Variants in HAS1 observed in about 807,000 individuals in gnomAD.
HAS1 encodes hyaluronan synthase 1.
A neutral mutation model predicts 35.0 loss-of-function variants in HAS1; 27 were observed. The observed-to-expected ratio is 0.77, with a 90% CI of 0.57 to 1.06. HAS1 has a LOEUF of 1.06. HAS1 is among the 50% of genes least tolerant of loss of function. The probability of loss-of-function intolerance (pLI) is 0.00; values close to 1 mark genes in which losing one functional copy is unlikely to be tolerated. For missense variants in HAS1, 940 were observed against 814.8 expected (o/e 1.15, Z -1.87); for synonymous variants, 409 against 371.2 (o/e 1.10, Z -1.17).
chr19:51,723,301 G>A (rs1315098569), intron 1 of HAS1, among the ~76,000 whole-genome samples: 1 of 152,106 alleles, frequency 6.6e-6, no homozygotes. Context: ...GCAGGAAAAA[G>A]CAACACCAGC....
intron 1 of HAS1, among the ~76,000 whole-genome samples, chr19:51,721,671 C>T (rs911325904): frequency 2.0e-5 from 3 of 152,102 alleles, no homozygotes; most frequent in Non-Finnish European, 4.4e-5. Context: ...AAGGCTAAGG[C>T]AGGAGAACTG....
Position 51,713,560 on chromosome 19 carries a change from G to T in HAS1, c.1601C>A (p.Ala534Glu). Residue 534 changes from alanine (A) to glutamate (E), a missense_variant, in exon 5 of 5, where the codon GCA becomes GAA. Ala to Glu is a moderately radical substitution (Grantham distance 107). Transcript: ENST00000540069. This position sits in a 1 kb window ranked among gnomAD's most constrained non-coding sequence, Gnocchi z 4.5. ...CGCGGCCAAGTGGTAGGCCTCGGCT[G>T]CGCGGGAAGGGCCGCTCCAGTCGGC... ...ARADWSGPSR[A>E]AEAYHLAAGA... 6.3e-7 allele frequency: 1 copy of T among 1,577,664 alleles called. No homozygotes were observed. The highest frequency in any genetic ancestry group is 1.1e-5 in the South Asian group (1 of 87,692).
At position 51,716,131 on chromosome 19, in the gene HAS1, G is replaced by C. The variant is rs568523486; in HGVS notation, c.1058+125C>G. 7.0e-5 allele frequency: 59 copies of C among 842,354 alleles called. 1 individual carries two copies. In the East Asian group the frequency reaches 1.4e-3, roughly 19 times the overall value. 52.2% of individuals were successfully genotyped at this position (842,354 alleles called of 1,614,324 possible). On this transcript the variant is annotated intron_variant, in intron 4 of 4. Coordinates refer to ENST00000540069, the MANE Select transcript of HAS1 (RefSeq NM_001297436.2). ...ATGGTATCCTCCTCTCTCCTCTAAAGTCTCACTTGATAGAGCCCATTGTCT... is the reference window on the plus strand; with the variant it reads ...ATGGTATCCTCCTCTCTCCTCTAAACTCTCACTTGATAGAGCCCATTGTCT...
chr19:51,719,456 A>T lies in HAS1; in HGVS notation c.449T>A (p.Val150Asp). 6.4e-7 allele frequency: 1 copy of T among 1,550,804 alleles called. No individual in the cohort carries two copies. Among genetic ancestry groups the T allele is most frequent in the Non-Finnish European group, 8.7e-7 (1 of 1,146,646 alleles). ...DLYMVDMFRE[V>D]FADEDPATYV... ...CGTGGCGGGGTCCTCGTCAGCGAAG[A>T]CCTCGCGGAACATGTCGACCATGTA... The change falls in exon 2 of 5, where the codon GTC (valine) becomes GAC (aspartate). Residue 150 changes from valine (V) to aspartate (D), a missense_variant. Coordinates refer to ENST00000540069, the MANE Select transcript of HAS1 (RefSeq NM_001297436.2).
At position 51,719,791 on chromosome 19, in the gene HAS1, G is replaced by C. The variant is rs1253018956; in HGVS notation, c.114C>G (p.Ala38=). 6.4e-7 allele frequency: 1 copy of C among 1,560,558 alleles called. No homozygotes were observed. ...AGGCCAGCGGCACCCCGGCGGCGTA[G>C]GCCCAGGTCATGAGGCCCAGGATGA... ...ALLILGLMTW[A]YAAGVPLASD... is the part of the protein sequence containing the mutation. Residue 38 remains alanine (A), a synonymous_variant, in exon 2 of 5, where the codon GCC becomes GCG. Transcript: ENST00000540069.
Position 51,713,118 on chromosome 19 carries a change from A to G in HAS1, c.*309T>C. 3.1e-6 allele frequency: 1 copy of G among 324,920 alleles called. No homozygotes were observed. Among genetic ancestry groups the G allele is most frequent in the Non-Finnish European group, 5.6e-6 (1 of 179,908 alleles). The allele number at this position is 324,920 out of a possible 1,614,324, so 20.1% of individuals were successfully genotyped here. A position where few individuals can be genotyped will look rare whatever the true frequency, so the allele number is the denominator to read the frequency against. ...AAAAAGGTGGAGGCTGGGGGAAAAT[A>G]AATAAAATTCTTTATTACATCCTGA... On this transcript the variant is annotated 3_prime_UTR_variant, in exon 5 of 5. Coordinates refer to ENST00000540069, the MANE Select transcript of HAS1 (RefSeq NM_001297436.2). The surrounding 1 kb of genome is among the most constrained non-coding windows in gnomAD (Gnocchi z 4.5).
At position 51,713,396 on chromosome 19, in the gene HAS1, G is replaced by A; in HGVS notation, c.*31C>T. 6.9e-7 allele frequency: 1 copy of A among 1,458,768 alleles called. No homozygotes were observed. Among genetic ancestry groups the A allele is most frequent in the Non-Finnish European group, 9.1e-7 (1 of 1,104,420 alleles). The allele number at this position is 1,458,768 out of a possible 1,614,324, so 90.4% of individuals were successfully genotyped here. A position where few individuals can be genotyped will look rare whatever the true frequency, so the allele number is the denominator to read the frequency against. ...CAGCTCTCCTCTGGCCTCCCCTGAA[G>A]ACCCTTGAGGCGGCATCCGCGTGGC... On this transcript the variant is annotated 3_prime_UTR_variant, in exon 5 of 5. Coordinates refer to ENST00000540069, the MANE Select transcript of HAS1 (RefSeq NM_001297436.2). This position sits in a 1 kb window ranked among gnomAD's most constrained non-coding sequence, Gnocchi z 4.5.
chr19:51,716,380 T>C lies in HAS1; in HGVS notation c.934A>G (p.Arg312Gly), dbSNP rs767660755. The change falls in exon 4 of 5, where the codon AGG becomes GGG. Residue 312 changes from arginine to glycine, a missense_variant. Arg to Gly is a moderately radical substitution (Grantham distance 125, BLOSUM62 -2). Transcript: ENST00000540069. ...SCISGPLGLYRNNLLQQFLEA... is the reference protein window; with the variant it reads ...SCISGPLGLYGNNLLQQFLEA... ...AGAAACTGCTGCAAGAGGTTATTCC[T>C]ATATAGGCCTGGGTGGAGGGGAGGT... The C allele has an allele frequency of 5.0e-6, 8 of 1,612,230 alleles. No individual in the cohort carries two copies. In the Admixed American group the frequency reaches 1.2e-4, roughly 24 times the overall value.
Position 51,719,737 on chromosome 19 carries a change from G to T in HAS1, c.168C>A (p.Gly56=). The T allele has an allele frequency of 6.4e-7, 1 of 1,569,012 alleles. No homozygotes were observed. Among genetic ancestry groups the T allele is most frequent in the African/African-American group, 1.4e-5 (1 of 73,984 alleles). The change falls in exon 2 of 5, where the codon GGC becomes GGA. Residue 56 remains glycine (G), a synonymous_variant. Transcript: ENST00000540069. ...ASDRYGLLAF[G]LYGAFLSAHL... is the part of the protein sequence containing the mutation. ...GCGCTGAAAGGAAGGCCCCGTAGAGGCCGAAGGCCAGGAGGCCGTAGCGAT... is the reference window on the plus strand; with the variant it reads ...GCGCTGAAAGGAAGGCCCCGTAGAGTCCGAAGGCCAGGAGGCCGTAGCGAT...
rs751700570 is a variant in HAS1, at chr19:51,719,609, G to C, written c.296C>G (p.Thr99Ser). Reference sequence around the variant, plus strand: ...GGGGTCCTCCTGGTAGGCGGAGATGGTCAGCGCCACACTGCGCGCGGTGGC... The same window carrying C: ...GGGGTCCTCCTGGTAGGCGGAGATGCTCAGCGCCACACTGCGCGCGGTGGC... ...DAATARSVAL[T>S]ISAYQEDPAY... The change falls in exon 2 of 5, where the codon ACC becomes AGC. Residue 99 changes from threonine to serine, a missense_variant. Thr to Ser is a moderately conservative substitution (Grantham distance 58). Transcript: ENST00000540069. 9.7e-6 allele frequency: 15 copies of C among 1,540,684 alleles called. No individual in the cohort carries two copies. In the South Asian group the frequency reaches 1.7e-4, roughly 17 times the overall value.
At chr19:51,722,467 T>A (rs1213728809) in intron 1 of HAS1, among the ~76,000 whole-genome samples, 1 of 152,186 alleles carries the variant, frequency 6.6e-6, no homozygotes, top group East Asian at 1.9e-4. Flanking sequence ...AATAGCTCAT[T>A]AACATTTATG....
At chr19:51,716,544 C>T (rs1355114229) in intron 3 of HAS1, among the ~76,000 whole-genome samples, 156 bp from the exon 4 acceptor site, 1 of 152,036 alleles carries the variant, frequency 6.6e-6, no homozygotes, top group South Asian at 2.1e-4. Context: ...ATCTCCAGCC[C>T]GAATCCTGTC....
chr19:51,719,415 T>A lies in HAS1; in HGVS notation c.490A>T (p.Asn164Tyr), dbSNP rs1168450962. 1.9e-6 allele frequency: 3 copies of A among 1,562,918 alleles called. No individual in the cohort carries two copies. Among genetic ancestry groups the A allele is most frequent in the Non-Finnish European group, 2.6e-6 (3 of 1,153,212 alleles). The change falls in exon 2 of 5, where the codon AAC becomes TAC. Residue 164 changes from asparagine (N) to tyrosine (Y), a missense_variant. Coordinates refer to ENST00000540069, the MANE Select transcript of HAS1 (RefSeq NM_001297436.2). ...GCGGGTTCCCAGGGCTGGTGGTAGT[T>A]GCCGTCCCACACGTACGTGGCGGGG... ...EDPATYVWDG[N>Y]YHQPWEPAAA...
At chr19:51,716,827 C>A in intron 3 of HAS1, 141 bp downstream of exon 3, 1 of 689,926 alleles carries the variant, frequency 1.4e-6, no homozygotes, top group Non-Finnish European at 2.6e-6. Flanking sequence ...TCCTCACCGC[C>A]AGCTTCCAGT....
chr19:51,720,479 A>G (rs2083624281), intron 1 of HAS1, among the ~76,000 whole-genome samples: 1 of 152,078 alleles, frequency 6.6e-6, no homozygotes, highest in African/African-American at 2.4e-5. Context: ...CATGCTGATT[A>G]GATTCCTTCT....
rs2083555153 is a variant in HAS1, at chr19:51,713,487, G to C, written c.1674C>G (p.Tyr558Ter). Residue 558 changes from tyrosine (Y) to a stop codon, truncating the protein, a stop_gained, in exon 5 of 5, where the codon TAC becomes TAG. Coordinates refer to ENST00000540069, the MANE Select transcript of HAS1 (RefSeq NM_001297436.2). LOFTEE classifies it high-confidence loss of function. This position sits in a 1 kb window ranked among gnomAD's most constrained non-coding sequence, Gnocchi z 4.5. ...VGYWVAMLTL[Y>*]WVGVRRLCRR... ...GGCAAAGCCTCCGCACGCCCACCCA[G>C]TACAGCGTCAACATGGCCACCCAGT... is the stretch of plus-strand genomic sequence containing the variant. The C allele has an allele frequency of 1.2e-6, 2 of 1,604,090 alleles. No individual in the cohort carries two copies. Among genetic ancestry groups the C allele is most frequent in the Non-Finnish European group, 1.7e-6 (2 of 1,175,650 alleles).
At chr19:51,717,485 C>T (rs912489762) in intron 2 of HAS1, among the ~76,000 whole-genome samples, 4 of 152,132 alleles carry the variant, frequency 2.6e-5, no homozygotes, top group Non-Finnish European at 5.9e-5. Flanking sequence ...TGGGATATAA[C>T]TGCCATGATT....
Position 51,713,740 on chromosome 19 carries a change from G to T in HAS1, c.1421C>A (p.Ala474Asp), listed in dbSNP as rs778727403. 2.5e-6 allele frequency: 4 copies of T among 1,607,010 alleles called. No individual in the cohort carries two copies. The African/African-American group carries it at 5.3e-5, about 21-fold the overall frequency. ...CATGGTGACTAGCGCCAGGAACTTG[G>T]CAGGCAGGAGGCCACACATGTAGAG... The part of the protein sequence containing the change: ...APLYMCGLLP[A>D]KFLALVTMNQ... The change falls in exon 5 of 5, where the codon GCC (alanine) becomes GAC (aspartate). Residue 474 changes from alanine (A) to aspartate (D), a missense_variant. Coordinates refer to ENST00000540069, the MANE Select transcript of HAS1 (RefSeq NM_001297436.2). This position sits in a 1 kb window ranked among gnomAD's most constrained non-coding sequence, Gnocchi z 4.5.
At chr19:51,717,296 C>T (rs1204677396) in intron 2 of HAS1, 103 bp from the exon 3 acceptor site, 12 of 707,394 alleles carry the variant, frequency 1.7e-5, no homozygotes, top group Admixed American at 7.6e-5. Context: ...ACTCTGCAAC[C>T]GATCTGAACA....
Sources: allele counts gnomAD v4.1 joint callset (sites outside exome capture counted in the v4.1 genomes callset), GRCh38; gene constraint gnomAD v4.1.1; non-coding constraint Gnocchi (gnomAD v3.1); transcripts MANE v1.5; gene names NCBI Gene and HGNC (gene_info 2026-07-23, HGNC 2026-07-21).